Variants in CELSR1 observed in about 807,000 individuals in gnomAD.
CELSR1 encodes the protein adhesion G protein-coupled receptor C1.
In CELSR1, 110 loss-of-function variants were observed where a neutral mutation model predicts 249.1. The ratio of observed to expected loss-of-function variants is 0.44; its 90% CI spans 0.38 to 0.52. The LOEUF (loss-of-function observed/expected upper bound fraction) is 0.52. Among genes scored for constraint, CELSR1 ranks in the 20% least tolerant of loss-of-function variants. The pLI is 0.00. For missense variants in CELSR1, 4,109 were observed against 4,296.4 expected, an observed-to-expected ratio of 0.96 and a Z score of 1.22; for synonymous variants, 2,113 against 1,900.0, an observed-to-expected ratio of 1.11 and a Z score of -2.92.
At position 46,380,862 on chromosome 22, in the gene CELSR1, G is replaced by A. The variant is rs753525408; in HGVS notation, c.7182C>T (p.Val2394=). 3 of 1,612,844 alleles carry A rather than the reference G, an allele frequency of 1.9e-6. No individual in the cohort carries two copies. The highest frequency in any genetic ancestry group is 2.5e-6 in the Non-Finnish European group (3 of 1,179,894). Residue 2394 remains valine (V), a synonymous_variant, in exon 22 of 35, where the codon GTC becomes GTT. Transcript: ENST00000674500. The surrounding 1 kb of genome is among the most constrained non-coding windows in gnomAD (Gnocchi z 5.1). ...APLPRPLERP[V]LVEFALLEVE... The stretch of plus-strand genomic sequence containing the variant: ...CCTCCAGCAGGGCGAACTCCACCAG[G>A]ACGGGCCTCTCCAGGGGTCTCGGGA...
intron 1 of CELSR1, among the ~76,000 whole-genome samples, chr22:46,467,783 C>G (rs2080112971): frequency 6.6e-6 from 1 of 151,904 alleles, no homozygotes; most frequent in African/African-American, 2.4e-5. Context: ...GATCACGCCA[C>G]TGCACTCCAG....
chr22:46,497,714 T>G (rs2080426612), intron 1 of CELSR1, among the ~76,000 whole-genome samples: 1 of 152,176 alleles, frequency 6.6e-6, no homozygotes, highest in South Asian at 2.1e-4. Context: ...ATTCATATCT[T>G]CTGGGGGTGG....
rs934316790 is a variant in CELSR1, at chr22:46,473,961, G to A, written c.3545-9616C>T. On this transcript the variant is annotated intron_variant, in intron 1 of 34. Transcript: ENST00000674500. This position sits in a 1 kb window ranked among gnomAD's most constrained non-coding sequence, Gnocchi z 6.6. ...TCACGAATGCAGGTTCACGTCACAG[G>A]AACAAGGGGACAAGCACTTTCAGGG... Among the ~76,000 whole-genome samples, 3 of 152,166 alleles carry A rather than the reference G, an allele frequency of 2.0e-5. No individual in the cohort carries two copies. The highest frequency in any genetic ancestry group is 1.3e-4 in the Admixed American group (2 of 15,278).
chr22:46,415,785 G>T (rs374900801), intron 5 of CELSR1, among the ~76,000 whole-genome samples: 2 of 152,170 alleles, frequency 1.3e-5, no homozygotes, highest in Non-Finnish European at 2.9e-5. Context: ...GTGATAAAAC[G>T]CAGTCAGAGA....
At chr22:46,364,878 G>A (rs1180561091) in intron 32 of CELSR1, 142 bp from the exon 33 acceptor site, 3 of 872,722 alleles carry the variant, frequency 3.4e-6, no homozygotes, top group Non-Finnish European at 5.1e-6. Context: ...TGGGGAAACT[G>A]AGGCCCAGGA....
Position 46,411,557 on chromosome 22 carries a change from T to A in CELSR1, c.4769+45A>T. ...CTGGGAAGGCCGCAGGGTGAGCATG[T>A]TTGGGGGTACGGACCCCCAGGGCCT... is the stretch of plus-strand genomic sequence containing the variant. On this transcript the variant is annotated intron_variant, in intron 6 of 34. Transcript: ENST00000674500. This position sits in a 1 kb window ranked among gnomAD's most constrained non-coding sequence, Gnocchi z 4.2. The A allele has an allele frequency of 6.2e-7, 1 of 1,609,314 alleles. No individual in the cohort carries two copies. The highest frequency in any genetic ancestry group is 8.5e-7 in the Non-Finnish European group (1 of 1,177,146).
chr22:46,386,407 T>G lies in CELSR1; in HGVS notation c.6734A>C (p.Asn2245Thr). The change falls in exon 19 of 35, where the codon AAC (asparagine) becomes ACC (threonine). Residue 2245 changes from asparagine to threonine, a missense_variant. Coordinates refer to ENST00000674500, the MANE Select transcript of CELSR1 (RefSeq NM_001378328.1). ...YLRPFVIVTA[N>T]MILAVDIFDK... ...CAACGCAGCCAGCGCCTTACTCATG[T>G]TGGCGGTGACGATGACGAAGGGCCG... 1 of 1,572,986 alleles carries G rather than the reference T, an allele frequency of 6.4e-7. No individual in the cohort carries two copies. Among genetic ancestry groups the G allele is most frequent in the Non-Finnish European group, 8.6e-7 (1 of 1,159,280 alleles).
chr22:46,367,203 G>A, intron 28 of CELSR1, 85 bp from the exon 29 acceptor site: 1 of 1,497,120 alleles, frequency 6.7e-7, no homozygotes, highest in Non-Finnish European at 9.0e-7. Flanking sequence ...TGCGCATACA[G>A]CCTTGAGTGC....
In CELSR1 at chr22:46,473,263, G is replaced by A. The variant is rs2080174310; in HGVS notation, c.3545-8918C>T. On this transcript the variant is annotated intron_variant, in intron 1 of 34. Transcript: ENST00000674500. This position sits in a 1 kb window ranked among gnomAD's most constrained non-coding sequence, Gnocchi z 6.6. The stretch of plus-strand genomic sequence containing the variant: ...GAATGTGCCTGGTAAGGTGACTCGG[G>A]CTGAGTGGCGGGGCCCAGATTAACC... Among the ~76,000 whole-genome samples, 1 of 152,186 alleles carries A rather than the reference G, an allele frequency of 6.6e-6. No individual in the cohort carries two copies. The highest frequency in any genetic ancestry group is 2.4e-5 in the African/African-American group (1 of 41,440).
At chr22:46,414,617 G>T (rs2079377706) in intron 5 of CELSR1, among the ~76,000 whole-genome samples, 1 of 147,832 alleles carries the variant, frequency 6.8e-6, no homozygotes, top group Admixed American at 6.6e-5. Flanking sequence ...GCGAGTGTGG[G>T]TTTAACGCGC....
intron 1 of CELSR1, among the ~76,000 whole-genome samples, chr22:46,533,373 G>A (rs144115949): frequency 1.4e-3 from 214 of 152,356 alleles, no homozygotes; most frequent in African/African-American, 4.6e-3. Flanking sequence ...GCTGATCCCC[G>A]GTCTTGAACT....
chr22:46,462,418 C>T (rs2080040686), intron 2 of CELSR1, among the ~76,000 whole-genome samples: 1 of 150,928 alleles, frequency 6.6e-6, no homozygotes, highest in Non-Finnish European at 1.5e-5. Context: ...GGAAGCCATC[C>T]TTCCTCTCTC....
intron 1 of CELSR1, among the ~76,000 whole-genome samples, chr22:46,489,753 G>C (rs966757723): frequency 2.6e-5 from 4 of 151,900 alleles, no homozygotes; most frequent in Non-Finnish European, 5.9e-5. Flanking sequence ...TCTCTAGCGG[G>C]GCGTGGTGGT....
At position 46,527,556 on chromosome 22, in the gene CELSR1, T is replaced by C. The variant is rs1192631829; in HGVS notation, c.3544+6071A>G. Among the ~76,000 whole-genome samples the C allele has an allele frequency of 6.6e-6, 1 of 152,170 alleles. No individual in the cohort carries two copies. The highest frequency in any genetic ancestry group is 2.4e-5 in the African/African-American group (1 of 41,442). ...CTCAGCCCCCTTGCTCATCGGATGG[T>C]CCATCTCCACCCAGCCGCAGAAGTC... On this transcript the variant is annotated intron_variant, in intron 1 of 34. Transcript: ENST00000674500. This position sits in a 1 kb window ranked among gnomAD's most constrained non-coding sequence, Gnocchi z 5.5.
In CELSR1 at chr22:46,413,939, T is replaced by TA. The variant is rs1414118446; in HGVS notation, c.4612-2181dup. Reference sequence around the variant, plus strand: ...GCGTGAGACTACTGGAGGAAGGGCGTAAGTAGCATTTACACTGGGAAGGCT... The same window carrying TA: ...GCGTGAGACTACTGGAGGAAGGGCGTAAAGTAGCATTTACACTGGGAAGGCT... On this transcript the variant is annotated intron_variant, in intron 5 of 34. Coordinates refer to ENST00000674500, the MANE Select transcript of CELSR1 (RefSeq NM_001378328.1). The surrounding 1 kb of genome is among the most constrained non-coding windows in gnomAD (Gnocchi z 4.7). 6.6e-6 allele frequency among the ~76,000 whole-genome samples: 1 copy of TA among 152,156 alleles called. No homozygotes were observed. Among genetic ancestry groups the TA allele is most frequent in the East Asian group, 1.9e-4 (1 of 5,198 alleles).
At chr22:46,443,186 C>A (rs554423618) in intron 2 of CELSR1, among the ~76,000 whole-genome samples, 2 of 152,316 alleles carry the variant, frequency 1.3e-5, no homozygotes, top group East Asian at 1.9e-4. Flanking sequence ...ACGAGGAGGG[C>A]TGAAATCGCT....
rs368252850 is a variant in CELSR1 at position 46,534,915 on chromosome 22, G to A, written c.2256C>T (p.Tyr752=). 1.2e-5 allele frequency: 20 copies of A among 1,612,566 alleles called. No homozygotes were observed. Among genetic ancestry groups the A allele is most frequent in the Middle Eastern group, 1.6e-4 (1 of 6,062 alleles). Residue 752 remains tyrosine, a synonymous_variant, in exon 1 of 35, where the codon TAC becomes TAT. Coordinates refer to ENST00000674500, the MANE Select transcript of CELSR1 (RefSeq NM_001378328.1). This position sits in a 1 kb window ranked among gnomAD's most constrained non-coding sequence, Gnocchi z 9.7. ...CCAGCACGTACTGCTGCTCCTGCTT[G>A]TAGTCCAGAGGTAGCGCCAGGGTGA... is the stretch of plus-strand genomic sequence containing the variant. The part of the protein sequence containing the change: ...GLITLALPLD[Y]KQEQQYVLAV...
chr22:46,460,294 C>A (rs2080009991), intron 2 of CELSR1, among the ~76,000 whole-genome samples: 1 of 152,046 alleles, frequency 6.6e-6, no homozygotes, highest in Admixed American at 6.6e-5. Context: ...GGGGGTGGAC[C>A]AACAAAAGCA....
intron 1 of CELSR1, among the ~76,000 whole-genome samples, chr22:46,466,037 C>A (rs774305961): frequency 6.6e-6 from 1 of 152,170 alleles, no homozygotes; most frequent in African/African-American, 2.4e-5. Context: ...TGGCATAAAC[C>A]CAGAGCCCTT....
Sources: allele counts gnomAD v4.1 joint callset (sites outside exome capture counted in the v4.1 genomes callset), GRCh38; gene constraint gnomAD v4.1.1; non-coding constraint Gnocchi (gnomAD v3.1); transcripts MANE v1.5; gene names NCBI Gene and HGNC (gene_info 2026-07-23, HGNC 2026-07-21).